Variants in MGRN1 observed in about 807,000 individuals in gnomAD.
The protein encoded by MGRN1 is E3 ubiquitin-protein ligase MGRN1.
In MGRN1, 29 loss-of-function variants were observed where a neutral mutation model predicts 69.2. That is an observed-to-expected ratio of 0.42 (90% CI 0.31 to 0.57). MGRN1 has a LOEUF of 0.57. Among genes scored for constraint, MGRN1 ranks in the 20% least tolerant of loss-of-function variants. The pLI, the probability that MGRN1 is intolerant of heterozygous loss-of-function variation, is 0.15. For synonymous variants in MGRN1, 470 were observed against 344.2 expected (o/e 1.37, Z -4.04); for missense variants, 998 against 796.2 (o/e 1.25, Z -3.05).
At chr16:4,635,989 A>ACAG (rs1164028254) in intron 1 of MGRN1, among the ~76,000 whole-genome samples, 1 of 149,340 alleles carries the variant, frequency 6.7e-6, no homozygotes, top group African/African-American at 2.5e-5. Flanking sequence ...TTAAGTAGAG[A>ACAG]CAGGGTTTCA....
chr16:4,683,109 A>AC, intron 14 of MGRN1, 115 bp from the exon 15 acceptor site: 1 of 1,518,926 alleles, frequency 6.6e-7, no homozygotes, highest in Non-Finnish European at 9.0e-7. Context: ...TGGAGGCAGC[A>AC]CCCCCTGGTG....
rs760658211 is a variant in MGRN1 at position 4,671,286 on chromosome 16, G to C, written c.727-105G>C. On this transcript the variant is annotated intron_variant, in intron 8 of 16. Coordinates refer to ENST00000262370, the MANE Select transcript of MGRN1 (RefSeq NM_015246.4). ...AGGGGTTGAGCTGGACTGACCCCTG[G>C]TATGGAAGCCTGGTAAGTTGGAGGC... 6 of 1,096,030 alleles carry C rather than the reference G, an allele frequency of 5.5e-6. 1 individual carries two copies. In the Admixed American group the frequency reaches 1.1e-4, roughly 20 times the overall value. 67.9% of individuals were successfully genotyped at this position (1,096,030 alleles called of 1,614,324 possible). A position where few individuals can be genotyped will look rare whatever the true frequency, so the allele number is the denominator to read the frequency against.
chr16:4,679,946 A>G (rs750247922), intron 11 of MGRN1, 86 bp from the exon 12 acceptor site: 241 of 1,279,162 alleles, frequency 1.9e-4, no homozygotes, highest in Non-Finnish European at 2.6e-4. Context: ...CGGTGTGGCA[A>G]GAGGACAGCC....
At chr16:4,653,737 C>G (rs749125845) in intron 4 of MGRN1, among the ~76,000 whole-genome samples, 13 of 151,650 alleles carry the variant, frequency 8.6e-5, no homozygotes, top group Non-Finnish European at 1.3e-4. Context: ...ATCTGTCCAT[C>G]TCAGCCTCCC....
rs1450890836 is a variant in MGRN1 at position 4,689,661 on chromosome 16, C to T, written c.*753C>T. 1.3e-5 allele frequency: 2 copies of T among 152,262 alleles called. No individual in the cohort carries two copies. The highest frequency in any genetic ancestry group is 1.9e-4 in the East Asian group (1 of 5,196). 9.4% of individuals were successfully genotyped at this position (152,262 alleles called of 1,614,324 possible). On this transcript the variant is annotated 3_prime_UTR_variant, in exon 17 of 17. Transcript: ENST00000262370. ...TGCTGGCTTTGGTGACATCACAAGG[C>T]CCCTCCAGGTGCAGGGGCTTCTGTT...
chr16:4,671,197 T>A, intron 8 of MGRN1, 194 bp from the exon 9 acceptor site: 1 of 606,636 alleles, frequency 1.6e-6, no homozygotes, highest in Non-Finnish European at 2.9e-6. Context: ...TCCAGCCCTG[T>A]TCCAGGTGCT....
intron 10 of MGRN1, among the ~76,000 whole-genome samples, chr16:4,675,849 C>T (rs983551424): frequency 3.3e-5 from 5 of 152,154 alleles, no homozygotes; most frequent in East Asian, 1.9e-4. Flanking sequence ...AGTGAAAAGC[C>T]GCTCGTAGGG....
At chr16:4,639,725 G>C (rs540730470) in intron 1 of MGRN1, 1 of 152,244 alleles carries the variant, frequency 6.6e-6, no homozygotes, top group South Asian at 2.1e-4. Context: ...TTCTCTTAGG[G>C]GTGTACCAGG....
intron 5 of MGRN1, among the ~76,000 whole-genome samples, chr16:4,662,242 C>T (rs555362581): frequency 2.0e-5 from 3 of 152,128 alleles, no homozygotes; most frequent in African/African-American, 4.8e-5. Context: ...TGGCCGGGCG[C>T]GGTGGCTGAC....
chr16:4,643,483 C>A (rs1012488096), intron 1 of MGRN1, among the ~76,000 whole-genome samples: 3 of 150,752 alleles, frequency 2.0e-5, no homozygotes, highest in African/African-American at 4.9e-5. Context: ...AATTCTCCTG[C>A]CTCAGCCCCT....
At chr16:4,687,152 C>G in intron 16 of MGRN1, 4 of 985,406 alleles carry the variant, frequency 4.1e-6, no homozygotes, top group Non-Finnish European at 4.8e-6. Flanking sequence ...GTACTGGAAC[C>G]TTCTGGAACA....
Position 4,683,803 on chromosome 16 carries a change from C to A in MGRN1, c.1529-40C>A, listed in dbSNP as rs200889605. On this transcript the variant is annotated intron_variant, in intron 15 of 16. Transcript: ENST00000262370. Reference sequence around the variant, plus strand: ...CCCAGAGGGACCTGCCGGGACCTGGCCCCTGCCTGTAGGTCCCTAACCTCA... The same window carrying A: ...CCCAGAGGGACCTGCCGGGACCTGGACCCTGCCTGTAGGTCCCTAACCTCA... The A allele has an allele frequency of 3.4e-5, 53 of 1,580,084 alleles. No homozygotes were observed. The African/African-American group carries it at 4.3e-4, about 13-fold the overall frequency.
intron 5 of MGRN1, among the ~76,000 whole-genome samples, chr16:4,662,114 C>G (rs1393398000): frequency 6.6e-6 from 1 of 152,188 alleles, no homozygotes; most frequent in African/African-American, 2.4e-5. Flanking sequence ...CTCCTGACTG[C>G]TGTCTGTGGT....
At chr16:4,685,488 C>T (rs964293335) in intron 16 of MGRN1, among the ~76,000 whole-genome samples, 2 of 152,194 alleles carry the variant, frequency 1.3e-5, no homozygotes, top group Non-Finnish European at 1.5e-5. Flanking sequence ...GAGGAGAGGC[C>T]GAGTCTACAT....
intron 5 of MGRN1, among the ~76,000 whole-genome samples, chr16:4,657,863 C>T (rs2078586414): frequency 6.6e-6 from 1 of 151,238 alleles, no homozygotes; most frequent in African/African-American, 2.4e-5. Context: ...CTGCCTCAGC[C>T]TCCCGAGTGG....
At chr16:4,686,461 A>G in intron 16 of MGRN1, 1 of 1,416,070 alleles carries the variant, frequency 7.1e-7, no homozygotes, top group East Asian at 2.6e-5. Context: ...AGAGCTCTCC[A>G]GTGGCTGCTG....
chr16:4,677,313 A>C (rs2141963419), intron 10 of MGRN1, 150 bp from the exon 11 acceptor site: 1 of 471,930 alleles, frequency 2.1e-6, no homozygotes, highest in Non-Finnish European at 3.7e-6. Flanking sequence ...CTTAAAACTA[A>C]AAGAAAAAAA....
In MGRN1 at chr16:4,688,798, C is replaced by G. The variant is rs777933734; in HGVS notation, c.1621C>G (p.Arg541Gly). Residue 541 changes from arginine to glycine, a missense_variant and splice_region_variant, in exon 17 of 17, where the codon CGG becomes GGG. Transcript: ENST00000262370. ...CCTCCCTCTGCTCCCACCTGCAGGA[C>G]GGCCCACCTCCATGGAGACGGCCCA... is the stretch of plus-strand genomic sequence containing the variant. Reference protein sequence around the residue: ...GPPADIYLPGRPTSMETAHGL... With the variant: ...GPPADIYLPGGPTSMETAHGL... The G allele has an allele frequency of 6.5e-7, 1 of 1,545,256 alleles. No individual in the cohort carries two copies. Among genetic ancestry groups the G allele is most frequent in the Non-Finnish European group, 8.8e-7 (1 of 1,142,542 alleles).
intron 1 of MGRN1, among the ~76,000 whole-genome samples, chr16:4,636,035 C>T (rs577007903): frequency 1.3e-4 from 20 of 151,722 alleles, no homozygotes; most frequent in African/African-American, 4.6e-4. Flanking sequence ...CTCTTGACCT[C>T]AGGTGATCCA....
Sources: allele counts gnomAD v4.1 joint callset (sites outside exome capture counted in the v4.1 genomes callset), GRCh38; gene constraint gnomAD v4.1.1; transcripts MANE v1.5; gene names NCBI Gene and HGNC (gene_info 2026-07-23, HGNC 2026-07-21).